PPP2R2A: variants seen among roughly 807,000 people sequenced by gnomAD.
PPP2R2A encodes serine/threonine-protein phosphatase 2A 55 kDa regulatory subunit B alpha isoform.
In PPP2R2A, 9 loss-of-function variants were observed where a neutral mutation model predicts 53.2. The ratio of observed to expected loss-of-function variants is 0.17; its 90% confidence interval spans 0.10 to 0.30. The LOEUF (loss-of-function observed/expected upper bound fraction) is 0.30. Among genes scored for constraint, PPP2R2A ranks in the 10% least tolerant of loss-of-function variants. The pLI is 1.00. For missense variants in PPP2R2A, 235 were observed against 534.6 expected (o/e 0.44, Z 5.53); for synonymous variants, 169 against 174.2 (o/e 0.97, Z 0.23).
chr8:26,341,746 C>T (rs781413977), intron 3 of PPP2R2A, among the ~76,000 whole-genome samples: 1 of 152,162 alleles, frequency 6.6e-6, no homozygotes, highest in Non-Finnish European at 1.5e-5. Context: ...TACCTAGTGG[C>T]AGGGTTCCTT....
chr8:26,332,690 G>A (rs1231876213), intron 2 of PPP2R2A, among the ~76,000 whole-genome samples: 3 of 152,170 alleles, frequency 2.0e-5, no homozygotes, highest in African/African-American at 7.2e-5. Flanking sequence ...CTTGAATGTA[G>A]CAGATTCTGA....
At chr8:26,293,484 T>G in intron 1 of PPP2R2A, 182 bp from the exon 2 acceptor site, 3 of 701,896 alleles carry the variant, frequency 4.3e-6, no homozygotes, top group Non-Finnish European at 7.0e-6. Flanking sequence ...CTTTTTTTTC[T>G]TTCTAATGCA....
At chr8:26,293,029 C>G (rs1801377639) in intron 1 of PPP2R2A, 1 of 432,178 alleles carries the variant, frequency 2.3e-6, no homozygotes, top group African/African-American at 2.0e-5. Context: ...AAAATGAATT[C>G]TTTGCCAGGT....
intron 3 of PPP2R2A, among the ~76,000 whole-genome samples, chr8:26,343,571 C>T (rs1287885041): frequency 6.6e-6 from 1 of 151,994 alleles, no homozygotes; most frequent in Non-Finnish European, 1.5e-5. Context: ...GGGTTTTCAC[C>T]ATATTGGCCA....
intron 2 of PPP2R2A, among the ~76,000 whole-genome samples, chr8:26,300,814 G>A (rs952522051): frequency 6.6e-6 from 1 of 152,132 alleles, no homozygotes; most frequent in African/African-American, 2.4e-5. Flanking sequence ...TCGTGCCACT[G>A]CACTCCAGCC....
At chr8:26,344,691 G>A (rs1462921819) in intron 3 of PPP2R2A, among the ~76,000 whole-genome samples, 1 of 152,150 alleles carries the variant, frequency 6.6e-6, no homozygotes, top group Non-Finnish European at 1.5e-5. Flanking sequence ...TCAGCTACCT[G>A]TTAATCTTTT....
chr8:26,350,881 G>A (rs892487234), intron 3 of PPP2R2A, among the ~76,000 whole-genome samples: 1 of 152,134 alleles, frequency 6.6e-6, no homozygotes, highest in African/African-American at 2.4e-5. Flanking sequence ...TCCAGGGGCA[G>A]TGGCTCACGC....
At chr8:26,352,777 G>A (rs1485504484) in intron 3 of PPP2R2A, among the ~76,000 whole-genome samples, 1 of 152,120 alleles carries the variant, frequency 6.6e-6, no homozygotes, top group Non-Finnish European at 1.5e-5. Context: ...AAATATTTCT[G>A]TTGTTTTGTG....
chr8:26,326,854 A>G (rs1216726114), intron 2 of PPP2R2A, among the ~76,000 whole-genome samples: 2 of 152,216 alleles, frequency 1.3e-5, no homozygotes, highest in Non-Finnish European at 2.9e-5. Context: ...TCTTTCTAAC[A>G]TATGTAACAG....
In PPP2R2A at chr8:26,326,697, CCTT is replaced by C. The variant is rs780715927; in HGVS notation, c.83-12192_83-12190del. On this transcript the variant is annotated intron_variant, in intron 2 of 9. Transcript: ENST00000380737. ...ACTGTACTACTTGTTTGTATAATCT[CCTT>C]GAGAAGCTATTTACATTATACTTAA... Among the ~76,000 whole-genome samples the C allele has an allele frequency of 3.3e-5, 5 of 152,226 alleles. No individual in the cohort carries two copies. The South Asian group carries it at 1.0e-3, about 32-fold the overall frequency.
chr8:26,354,686 T>C lies in PPP2R2A; in HGVS notation c.346+53T>C. On this transcript the variant is annotated intron_variant, in intron 4 of 9. Coordinates refer to ENST00000380737, the MANE Select transcript of PPP2R2A (RefSeq NM_002717.4). This position sits in a 1 kb window ranked among gnomAD's most constrained non-coding sequence, Gnocchi z 4.6. ...GCCCACTGTGTGTACCTGTTGCACA[T>C]ATCCTGTAGCCTAGGAGAGGAATCA... The C allele has an allele frequency of 5.1e-6, 7 of 1,367,686 alleles. No individual in the cohort carries two copies. The highest frequency in any genetic ancestry group is 6.8e-6 in the Non-Finnish European group (7 of 1,036,802). 84.7% of individuals were successfully genotyped at this position (1,367,686 alleles called of 1,614,324 possible). A position where few individuals can be genotyped will look rare whatever the true frequency, so the allele number is the denominator to read the frequency against.
intron 2 of PPP2R2A, among the ~76,000 whole-genome samples, chr8:26,307,842 C>T (rs1802091625): frequency 6.6e-6 from 1 of 152,266 alleles, no homozygotes; most frequent in South Asian, 2.1e-4. Context: ...GTAACTTGCT[C>T]AAAGTCACGT....
chr8:26,326,782 TGAG>T (rs1277016816), intron 2 of PPP2R2A, among the ~76,000 whole-genome samples: 4 of 152,204 alleles, frequency 2.6e-5, no homozygotes, highest in Non-Finnish European at 5.9e-5. Context: ...AGTTAAAAGT[TGAG>T]GAACATCTAA....
chr8:26,333,409 A>G (rs1409288424), intron 2 of PPP2R2A: 14 of 597,452 alleles, frequency 2.3e-5, no homozygotes, highest in East Asian at 7.3e-5. Context: ...GAGTATTTCA[A>G]ATACCTTCAG....
At chr8:26,355,902 C>T (rs1026881118) in intron 4 of PPP2R2A, among the ~76,000 whole-genome samples, 2 of 151,820 alleles carry the variant, frequency 1.3e-5, no homozygotes, top group East Asian at 1.9e-4. Flanking sequence ...AATGACTCTA[C>T]CAGAATTTGA....
chr8:26,362,864 C>T lies in PPP2R2A; in HGVS notation c.802+16C>T, dbSNP rs530870103. The T allele has an allele frequency of 6.2e-6, 10 of 1,604,446 alleles. No homozygotes were observed. The highest frequency in any genetic ancestry group is 5.5e-5 in the South Asian group (5 of 90,680). ...CATTCTAAATGTAAGTTTATTGTATCTTTCCTTAAAATGATTACATATTCT... is the reference window on the plus strand; with the variant it reads ...CATTCTAAATGTAAGTTTATTGTATTTTTCCTTAAAATGATTACATATTCT... On this transcript the variant is annotated intron_variant, in intron 7 of 9. Coordinates refer to ENST00000380737, the MANE Select transcript of PPP2R2A (RefSeq NM_002717.4). The surrounding 1 kb of genome is among the most constrained non-coding windows in gnomAD (Gnocchi z 4.4).
At chr8:26,330,390 A>G (rs763557694) in intron 2 of PPP2R2A, among the ~76,000 whole-genome samples, 14 of 149,210 alleles carry the variant, frequency 9.4e-5, no homozygotes, top group Non-Finnish European at 1.8e-4. Flanking sequence ...GCTCACTGCA[A>G]CTTCACCTCC....
rs577515702 is a variant in PPP2R2A, at chr8:26,372,585, T to C, written c.*2172T>C. 2 of 152,342 alleles carry C rather than the reference T, an allele frequency of 1.3e-5. No homozygotes were observed. The highest frequency in any genetic ancestry group is 3.9e-4 in the East Asian group (2 of 5,188). The allele number at this position is 152,342 out of a possible 1,614,324, so 9.4% of individuals were successfully genotyped here. On this transcript the variant is annotated 3_prime_UTR_variant, in exon 10 of 10. Coordinates refer to ENST00000380737, the MANE Select transcript of PPP2R2A (RefSeq NM_002717.4). ...TGTTAACATTCTCAAGTATTAATTT[T>C]TTAATTTCATTGGTGTAGCAAACTC...
intron 2 of PPP2R2A, among the ~76,000 whole-genome samples, chr8:26,334,373 C>CT (rs1334971588): frequency 6.6e-6 from 1 of 152,120 alleles, no homozygotes; most frequent in African/African-American, 2.4e-5. Context: ...TCAGTTTTTG[C>CT]TTTTAAAAAA....
Sources: allele counts gnomAD v4.1 joint callset (sites outside exome capture counted in the v4.1 genomes callset), GRCh38; gene constraint gnomAD v4.1.1; non-coding constraint Gnocchi (gnomAD v3.1); transcripts MANE v1.5; gene names NCBI Gene and HGNC (gene_info 2026-07-23, HGNC 2026-07-21).